FBXO16: variants seen among roughly 807,000 people sequenced by gnomAD.
The protein encoded by FBXO16 is F-box only protein 16.
Under a neutral mutation model 41.0 loss-of-function variants are expected in FBXO16, and 31 were observed. The observed-to-expected ratio is 0.76, with a 90% CI of 0.57 to 1.02. The LOEUF (loss-of-function observed/expected upper bound fraction) is 1.02. Among genes scored for constraint, FBXO16 ranks in the 50% least tolerant of loss-of-function variants. FBXO16 has a pLI of 0.00. For missense variants in FBXO16, 361 were observed against 346.2 expected (o/e 1.04, Z -0.34); for synonymous variants, 133 against 117.8 (o/e 1.13, Z -0.84).
At chr8:28,482,389 A>G (rs933406947) in intron 2 of FBXO16, among the ~76,000 whole-genome samples, 3 of 152,114 alleles carry the variant, frequency 2.0e-5, no homozygotes, top group Admixed American at 2.0e-4. Flanking sequence ...CCTTGCATAC[A>G]GCGATTGGTC....
At chr8:28,437,182 A>C (rs946022038) in intron 7 of FBXO16, among the ~76,000 whole-genome samples, 1 of 152,238 alleles carries the variant, frequency 6.6e-6, no homozygotes, top group East Asian at 1.9e-4. Flanking sequence ...AATAGAAGTT[A>C]ATTTGTGTCA....
intron 6 of FBXO16, among the ~76,000 whole-genome samples, chr8:28,448,238 G>A (rs1438447534): frequency 1.3e-5 from 2 of 151,646 alleles, no homozygotes; most frequent in Non-Finnish European, 2.9e-5. Flanking sequence ...CTACTCAGGA[G>A]GCTGAGGTGG....
At position 28,463,713 on chromosome 8, in the gene FBXO16, T is replaced by A; in HGVS notation, c.241A>T (p.Ile81Phe). 1.9e-6 allele frequency: 3 copies of A among 1,614,230 alleles called. No individual in the cohort carries two copies. The highest frequency in any genetic ancestry group is 1.7e-6 in the Non-Finnish European group (2 of 1,180,044). The change falls in exon 4 of 9, where the codon ATT becomes TTT. Residue 81 changes from isoleucine (I) to phenylalanine (F), a missense_variant. Coordinates refer to ENST00000380254, the MANE Select transcript of FBXO16 (RefSeq NM_172366.4). The stretch of plus-strand genomic sequence containing the variant: ...GTAAAGTCCAGGGCTTCTGCTGGAA[T>A]TTTCTCTTGAAGCTTTCGACAGCAG... ...KFCCRKLQEK[I>F]PAEALDFTTK... is the part of the protein sequence containing the mutation.
intron 3 of FBXO16, among the ~76,000 whole-genome samples, chr8:28,471,805 CAAAAAAAAAAA>C (rs557259701): frequency 4.2e-5 from 1 of 23,728 alleles, no homozygotes; most frequent in Admixed American, 6.3e-4. Flanking sequence ...CAGAGAATCT[CAAAAAAAAAAA>C]AAAAAAAAAA....
intron 7 of FBXO16, among the ~76,000 whole-genome samples, chr8:28,445,223 G>A (rs1303016138): frequency 4.6e-5 from 7 of 152,178 alleles, no homozygotes; most frequent in Admixed American, 6.5e-5. Flanking sequence ...CATTCACGAA[G>A]AGCTATTCTT....
chr8:28,454,832 A>T lies in FBXO16; in HGVS notation c.507+1934T>A, dbSNP rs182753102. Among the ~76,000 whole-genome samples, 785 of 150,756 alleles carry T rather than the reference A, an allele frequency of 5.2e-3. 18 individuals are homozygous for T. Among genetic ancestry groups the T allele is most frequent in the African/African-American group, 0.018 (745 of 40,786 alleles). ...GTGAAATCTGTGATAACTTATTTGT[A>T]TTAAGTAAACAAAATTTTTGTTCAC... On this transcript the variant is annotated intron_variant, in intron 5 of 8. Transcript: ENST00000380254.
rs1802558693 is a variant in FBXO16, at chr8:28,428,414, C to T, written c.*313G>A. 8 of 706,778 alleles carry T rather than the reference C, an allele frequency of 1.1e-5. No homozygotes were observed. The South Asian group carries it at 1.6e-4, about 14-fold the overall frequency. 43.8% of individuals were successfully genotyped at this position (706,778 alleles called of 1,614,324 possible). Reference sequence around the variant, plus strand: ...ATCCGTAAATCTGTCCACATTTATGCCATGAATTCCTTTTTACTGAAATAC... The same window carrying T: ...ATCCGTAAATCTGTCCACATTTATGTCATGAATTCCTTTTTACTGAAATAC... On this transcript the variant is annotated 3_prime_UTR_variant, in exon 9 of 9. Transcript: ENST00000380254.
At chr8:28,456,726 C>CCAAT in intron 5 of FBXO16, 40 bp downstream of exon 5, 10 of 1,604,532 alleles carry the variant, frequency 6.2e-6, no homozygotes, top group Non-Finnish European at 8.5e-6. Flanking sequence ...TTGCAAAGAG[C>CCAAT]CAATGTTTGC....
chr8:28,462,478 C>T (rs1803152483), intron 4 of FBXO16, among the ~76,000 whole-genome samples: 1 of 151,542 alleles, frequency 6.6e-6, no homozygotes, highest in South Asian at 2.1e-4. Flanking sequence ...CGGGGTTTCA[C>T]TGTGTTAGCC....
intron 5 of FBXO16, among the ~76,000 whole-genome samples, chr8:28,452,800 T>G (rs1052190713): frequency 6.6e-6 from 1 of 150,512 alleles, no homozygotes; most frequent in African/African-American, 2.4e-5. Context: ...AGACTCCATC[T>G]CAAAAAACAA....
chr8:28,452,540 C>A, intron 5 of FBXO16, 64 bp from the exon 6 acceptor site: 4 of 1,512,850 alleles, frequency 2.6e-6, no homozygotes, highest in Non-Finnish European at 3.6e-6. Flanking sequence ...GTGGCTCACG[C>A]CTGTAATCCC....
At chr8:28,474,518 T>G (rs1803393234) in intron 2 of FBXO16, among the ~76,000 whole-genome samples, 1 of 152,102 alleles carries the variant, frequency 6.6e-6, no homozygotes, top group Non-Finnish European at 1.5e-5. Flanking sequence ...CTCCCCCATC[T>G]GAAATGTTTC....
intron 3 of FBXO16, among the ~76,000 whole-genome samples, chr8:28,466,226 T>G (rs559962390): frequency 6.6e-6 from 1 of 151,630 alleles, no homozygotes; most frequent in East Asian, 1.9e-4. Context: ...AAAAACTCCA[T>G]CTGAAAAAAC....
In FBXO16 at chr8:28,447,725, G is replaced by C. The variant is rs561912927; in HGVS notation, c.741-452C>G. ...TCCCAGCACTTTGGGAGGCCAAGGC[G>C]GGTGGATCACCTGAGGTCAGGGGTT... On this transcript the variant is annotated intron_variant, in intron 6 of 8. Transcript: ENST00000380254. Among the ~76,000 whole-genome samples, 19 of 152,284 alleles carry C rather than the reference G, an allele frequency of 1.2e-4. No individual in the cohort carries two copies. The East Asian group carries it at 3.7e-3, about 29-fold the overall frequency.
intron 1 of FBXO16, among the ~76,000 whole-genome samples, chr8:28,487,804 T>G (rs2130215520): frequency 6.6e-6 from 1 of 152,216 alleles, no homozygotes; most frequent in Admixed American, 6.5e-5. Flanking sequence ...TGCTTTTTTG[T>G]GATCTCCTTC....
intron 3 of FBXO16, among the ~76,000 whole-genome samples, chr8:28,468,159 G>A (rs957973274): frequency 1.3e-5 from 2 of 152,158 alleles, no homozygotes; most frequent in Admixed American, 6.5e-5. Flanking sequence ...AGTAGCCAGG[G>A]ACCTCATGTA....
intron 3 of FBXO16, among the ~76,000 whole-genome samples, chr8:28,466,242 A>G (rs1803237296): frequency 6.6e-6 from 1 of 152,182 alleles, no homozygotes; most frequent in Admixed American, 6.6e-5. Context: ...AAAACAAAAC[A>G]AAACAAAACA....
At chr8:28,445,929 C>T (rs1189308401) in intron 7 of FBXO16, among the ~76,000 whole-genome samples, 2 of 151,966 alleles carry the variant, frequency 1.3e-5, no homozygotes, top group Non-Finnish European at 2.9e-5. Flanking sequence ...TTTCTAAATC[C>T]TTACTACTAT....
Position 28,463,756 on chromosome 8 carries a change from C to A in FBXO16, c.198G>T (p.Ser66=). 6.2e-7 allele frequency: 1 copy of A among 1,614,104 alleles called. No homozygotes were observed. Among genetic ancestry groups the A allele is most frequent in the Non-Finnish European group, 8.5e-7 (1 of 1,179,998 alleles). ...GACAGCAGAACTTTTGCTGGGACAGCGAGCAGCGCTCCAACAGGCCTGTGA... is the reference window on the plus strand; with the variant it reads ...GACAGCAGAACTTTTGCTGGGACAGAGAGCAGCGCTCCAACAGGCCTGTGA... ...RILTGLLERC[S]LSQQKFCCRK... The change falls in exon 4 of 9, where the codon TCG becomes TCT. Residue 66 remains serine, a synonymous_variant. Transcript: ENST00000380254.
Sources: allele counts gnomAD v4.1 joint callset (sites outside exome capture counted in the v4.1 genomes callset), GRCh38; gene constraint gnomAD v4.1.1; transcripts MANE v1.5; gene names NCBI Gene and HGNC (gene_info 2026-07-23, HGNC 2026-07-21).